The following SSBP2 variants were observed in gnomAD, a reference collection of about 807,000 sequenced individuals.
SSBP2 encodes the protein single stranded DNA binding protein 2.
A neutral mutation model predicts 61.8 loss-of-function variants in SSBP2; 17 were observed. The ratio of observed to expected loss-of-function variants is 0.28; its 90% CI spans 0.19 to 0.41. SSBP2 has a LOEUF of 0.41. Ranked by LOEUF, SSBP2 falls within the 10% of genes least tolerant of loss-of-function variation. The probability of loss-of-function intolerance (pLI) is 1.00; values close to 1 mark genes in which losing one functional copy is unlikely to be tolerated. For synonymous variants in SSBP2, 139 were observed against 141.3 expected (o/e 0.98, Z 0.12); for missense variants, 310 against 458.7 (o/e 0.68, Z 2.96).
At chr5:81,574,001 C>T (rs185755150) in intron 4 of SSBP2, among the ~76,000 whole-genome samples, 3 of 151,856 alleles carry the variant, frequency 2.0e-5, no homozygotes, top group South Asian at 2.1e-4. Flanking sequence ...ATTAGCCAGG[C>T]GTGGTGGTGG....
intron 3 of SSBP2, among the ~76,000 whole-genome samples, chr5:81,631,375 C>T (rs1394747077): frequency 4.6e-5 from 7 of 151,944 alleles, no homozygotes; most frequent in Middle Eastern, 3.4e-3. Context: ...AAGGAAACCA[C>T]GTGCATGGCA....
chr5:81,649,292 G>A (rs1418242535), intron 2 of SSBP2, among the ~76,000 whole-genome samples: 1 of 152,004 alleles, frequency 6.6e-6, no homozygotes, highest in African/African-American at 2.4e-5. Flanking sequence ...GCACATAACA[G>A]AGCTCAATAA....
At chr5:81,728,688 C>T (rs190099791) in intron 1 of SSBP2, among the ~76,000 whole-genome samples, 1 of 152,164 alleles carries the variant, frequency 6.6e-6, no homozygotes, top group East Asian at 1.9e-4. Context: ...ATATATCTTA[C>T]AGATTTTGTA....
intron 4 of SSBP2, among the ~76,000 whole-genome samples, chr5:81,544,971 G>A (rs1771614729): frequency 6.6e-6 from 1 of 152,158 alleles, no homozygotes; most frequent in Admixed American, 6.5e-5. Flanking sequence ...AGGAGGATAA[G>A]GCCCAACATA....
intron 2 of SSBP2, among the ~76,000 whole-genome samples, chr5:81,640,109 G>A (rs981074641): frequency 6.6e-6 from 1 of 152,182 alleles, no homozygotes; most frequent in African/African-American, 2.4e-5. Context: ...CAGCACTCTG[G>A]GAGGCAAAGG....
chr5:81,660,654 T>C (rs1238550822), intron 1 of SSBP2, among the ~76,000 whole-genome samples: 1 of 152,224 alleles, frequency 6.6e-6, no homozygotes, highest in African/African-American at 2.4e-5. Flanking sequence ...ATCCCATTAC[T>C]GGGTATATAC....
intron 4 of SSBP2, among the ~76,000 whole-genome samples, chr5:81,604,816 A>G (rs1744719336): frequency 6.6e-6 from 1 of 152,156 alleles, no homozygotes; most frequent in Non-Finnish European, 1.5e-5. Context: ...TTCAATTCAT[A>G]ATACAAAACA....
In SSBP2 at chr5:81,610,907, T is replaced by C. The variant is rs535942909; in HGVS notation, c.282+4566A>G. Reference sequence around the variant, plus strand: ...TACTTGGGAGGCTAAGGCAGGAGAATCGGTTGAACCCGGGAGGCGGAGGTT... The same window carrying C: ...TACTTGGGAGGCTAAGGCAGGAGAACCGGTTGAACCCGGGAGGCGGAGGTT... On this transcript the variant is annotated intron_variant, in intron 4 of 16. Coordinates refer to ENST00000320672, the MANE Select transcript of SSBP2 (RefSeq NM_012446.5). 9.2e-5 allele frequency among the ~76,000 whole-genome samples: 14 copies of C among 152,244 alleles called. No individual in the cohort carries two copies. In the South Asian group the frequency reaches 2.9e-3, roughly 32 times the overall value.
At chr5:81,511,570 G>A (rs1418090638) in intron 5 of SSBP2, among the ~76,000 whole-genome samples, 2 of 152,038 alleles carry the variant, frequency 1.3e-5, no homozygotes, top group African/African-American at 2.4e-5. Flanking sequence ...ATGCAGTCAC[G>A]CTTTTGTTTA....
chr5:81,668,634 G>A (rs968954422), intron 1 of SSBP2, among the ~76,000 whole-genome samples: 5 of 151,844 alleles, frequency 3.3e-5, no homozygotes, highest in Admixed American at 2.0e-4. Flanking sequence ...CCTTTCCTCC[G>A]TTTAATTGTA....
intron 3 of SSBP2, chr5:81,616,211 G>C (rs1446942757): frequency 6.6e-6 from 1 of 150,448 alleles, no homozygotes; most frequent in Non-Finnish European, 1.5e-5. Context: ...TCACTAGGGA[G>C]TGCCAGACAG....
intron 1 of SSBP2, among the ~76,000 whole-genome samples, chr5:81,743,651 T>C (rs1429208803): frequency 6.6e-6 from 1 of 152,202 alleles, no homozygotes; most frequent in Non-Finnish European, 1.5e-5. Flanking sequence ...ATATCTAGCA[T>C]AATTTGTTTA....
chr5:81,441,867 T>C (rs1694699606), intron 13 of SSBP2, among the ~76,000 whole-genome samples: 1 of 152,224 alleles, frequency 6.6e-6, no homozygotes, highest in Admixed American at 6.5e-5. Context: ...TCAGCTTTTA[T>C]CAAAAGCATA....
intron 4 of SSBP2, among the ~76,000 whole-genome samples, chr5:81,558,338 A>G (rs1235249194): frequency 6.6e-6 from 1 of 152,230 alleles, no homozygotes; most frequent in Non-Finnish European, 1.5e-5. Context: ...GAGGCTATGA[A>G]GTCCAAGATC....
At chr5:81,664,429 T>C (rs1475146515) in intron 1 of SSBP2, among the ~76,000 whole-genome samples, 9 of 151,978 alleles carry the variant, frequency 5.9e-5, no homozygotes, top group Admixed American at 1.3e-4. Flanking sequence ...CGCACCCTTT[T>C]TGGTCTTGTT....
In SSBP2 at chr5:81,641,437, GT is replaced by G. The variant is rs533138587; in HGVS notation, c.136-4820del. On this transcript the variant is annotated intron_variant, in intron 2 of 16. Coordinates refer to ENST00000320672, the MANE Select transcript of SSBP2 (RefSeq NM_012446.5). ...TCATCCTTCTCTCCTTAAATTACAA[GT>G]CTGTGCCAGAAGCAGGTAAAACTTC... is the stretch of plus-strand genomic sequence containing the variant. Among the ~76,000 whole-genome samples, 385 of 152,240 alleles carry G rather than the reference GT, an allele frequency of 2.5e-3. 1 individual carries two copies. The highest frequency in any genetic ancestry group is 0.02 in the Middle Eastern group (6 of 294).
intron 4 of SSBP2, among the ~76,000 whole-genome samples, chr5:81,530,844 G>C (rs1254800909): frequency 6.6e-6 from 1 of 151,904 alleles, no homozygotes; most frequent in Non-Finnish European, 1.5e-5. Flanking sequence ...ATAATTTTAT[G>C]GTGCCAAAAA....
intron 6 of SSBP2, among the ~76,000 whole-genome samples, chr5:81,484,892 T>A (rs1476622406): frequency 1.3e-5 from 2 of 152,156 alleles, no homozygotes; most frequent in Admixed American, 1.3e-4. Flanking sequence ...ATTAACAATG[T>A]TTTTCATTCC....
At position 81,465,940 on chromosome 5, in the gene SSBP2, T is replaced by C. The variant is rs186002566; in HGVS notation, c.638+1034A>G. 3.3e-5 allele frequency among the ~76,000 whole-genome samples: 5 copies of C among 152,144 alleles called. No homozygotes were observed. In the East Asian group the frequency reaches 9.6e-4, roughly 29 times the overall value. On this transcript the variant is annotated intron_variant, in intron 9 of 16. Coordinates refer to ENST00000320672, the MANE Select transcript of SSBP2 (RefSeq NM_012446.5). ...CCTAGCTGGTACCCACCTATTAACC[T>C]ATTTTCTATTTCAGGCAAATTTGCT...
Sources: allele counts gnomAD v4.1 joint callset (sites outside exome capture counted in the v4.1 genomes callset), GRCh38; gene constraint gnomAD v4.1.1; transcripts MANE v1.5; gene names NCBI Gene and HGNC (gene_info 2026-07-23, HGNC 2026-07-21).